LYPD6B: variants seen among roughly 807,000 people sequenced by gnomAD.
LYPD6B encodes the protein LY6/PLAUR domain containing 6B, also known as ly6/PLAUR domain-containing protein 6B.
Under a neutral mutation model 22.8 loss-of-function variants are expected in LYPD6B, and 17 were observed. The observed-to-expected ratio is 0.75, with a 90% CI of 0.51 to 1.12. The LOEUF (loss-of-function observed/expected upper bound fraction) is 1.12. Among genes scored for constraint, LYPD6B ranks in the 50% most tolerant of loss-of-function variants. The pLI, the probability that LYPD6B is intolerant of heterozygous loss-of-function variation, is 0.00. For missense variants in LYPD6B, 221 were observed against 258.3 expected (o/e 0.86, Z 0.99); for synonymous variants, 106 against 91.6 (o/e 1.16, Z -0.90).
chr2:149,098,627 CAA>C (rs1285429577), intron 1 of LYPD6B, among the ~76,000 whole-genome samples: 26 of 83,474 alleles, frequency 3.1e-4, no homozygotes, highest in African/African-American at 1.0e-3. Flanking sequence ...AACTCTGTCT[CAA>C]AAAAAAAAAA....
chr2:149,081,140 A>G (rs1007567603), intron 1 of LYPD6B, among the ~76,000 whole-genome samples: 4 of 152,126 alleles, frequency 2.6e-5, no homozygotes, highest in African/African-American at 4.8e-5. Flanking sequence ...TTGTTTACTG[A>G]CTTCTTGAGA....
intron 2 of LYPD6B, chr2:149,160,452 CA>C: frequency 2.0e-6 from 1 of 492,632 alleles, no homozygotes; most frequent in Non-Finnish European, 4.0e-6. Context: ...CTTTGGTAAG[CA>C]GCCATTTTTG....
At chr2:149,170,701 A>C (rs1167982461) in intron 3 of LYPD6B, among the ~76,000 whole-genome samples, 1 of 152,194 alleles carries the variant, frequency 6.6e-6, no homozygotes, top group Non-Finnish European at 1.5e-5. Context: ...AATCAAAAGA[A>C]AGTACTCAAG....
chr2:149,168,211 C>CAA (rs386391472), intron 3 of LYPD6B, among the ~76,000 whole-genome samples: 11,254 of 48,024 alleles, frequency 0.23, 1,224 homozygotes, highest in East Asian at 0.41. Context: ...GGCTCTGTCT[C>CAA]AAAAAAAAAA....
chr2:149,123,408 A>C (rs1423211765), intron 1 of LYPD6B, among the ~76,000 whole-genome samples: 2 of 152,172 alleles, frequency 1.3e-5, no homozygotes, highest in East Asian at 3.8e-4. Context: ...AATAATGATA[A>C]TTAGAGTTAA....
intron 3 of LYPD6B, among the ~76,000 whole-genome samples, chr2:149,190,496 T>C (rs1450572572): frequency 6.6e-6 from 1 of 152,210 alleles, no homozygotes; most frequent in African/African-American, 2.4e-5. Context: ...TGTTGTCAAA[T>C]TGCTCCATAG....
intron 5 of LYPD6B, among the ~76,000 whole-genome samples, chr2:149,208,962 G>A (rs1693672519): frequency 6.6e-6 from 1 of 152,122 alleles, no homozygotes; most frequent in African/African-American, 2.4e-5. Flanking sequence ...ATAGCAAGCT[G>A]CCACGTGGAG....
chr2:149,183,272 A>G (rs1179940880), intron 3 of LYPD6B, among the ~76,000 whole-genome samples: 1 of 152,170 alleles, frequency 6.6e-6, no homozygotes, highest in East Asian at 1.9e-4. Flanking sequence ...GAAATCCTCT[A>G]AGTAGGAGAT....
chr2:149,107,686 T>C (rs1686545471), intron 1 of LYPD6B, among the ~76,000 whole-genome samples: 2 of 152,230 alleles, frequency 1.3e-5, no homozygotes, highest in Non-Finnish European at 1.5e-5. Context: ...CCTAGCTGTC[T>C]TTCTGTAACT....
rs1525174 is a variant in LYPD6B at position 149,061,127 on chromosome 2, C to T, written c.-67+22326C>T. On this transcript the variant is annotated intron_variant, in intron 1 of 6. Coordinates refer to ENST00000409642, the MANE Select transcript of LYPD6B (RefSeq NM_177964.5). The stretch of plus-strand genomic sequence containing the variant: ...ATCTCCAGTAATACTTAATGGAAAG[C>T]TTGGAGATGAGCAGAGGTGTTTCAG... Among the ~76,000 whole-genome samples, 493 of 151,822 alleles carry T rather than the reference C, an allele frequency of 3.2e-3. 5 individuals carry two copies. Among genetic ancestry groups the T allele is most frequent in the African/African-American group, 0.011 (468 of 41,388 alleles).
intron 1 of LYPD6B, among the ~76,000 whole-genome samples, chr2:149,128,818 G>A (rs1483717834): frequency 1.3e-5 from 2 of 152,330 alleles, no homozygotes; most frequent in African/African-American, 4.8e-5. Flanking sequence ...AGGAATACCA[G>A]TAAAGAACAT....
chr2:149,114,992 T>A (rs186408017), intron 1 of LYPD6B, among the ~76,000 whole-genome samples: 10 of 152,256 alleles, frequency 6.6e-5, no homozygotes, highest in Non-Finnish European at 1.3e-4. Context: ...CAGGCTGGAG[T>A]GCAGTGGCAT....
At chr2:149,140,627 C>G (rs74707115) in intron 2 of LYPD6B, among the ~76,000 whole-genome samples, 96,901 of 151,838 alleles carry the variant, frequency 0.64, 31,014 homozygotes, top group South Asian at 0.76. Flanking sequence ...TAAGCTTATC[C>G]TTGCATTTAG....
At chr2:149,174,553 G>C (rs915637062) in intron 3 of LYPD6B, among the ~76,000 whole-genome samples, 2 of 152,024 alleles carry the variant, frequency 1.3e-5, no homozygotes, top group Non-Finnish European at 1.5e-5. Flanking sequence ...TTTGAGATAT[G>C]GTCCTTTAAT....
rs534487625 is a variant in LYPD6B at position 149,124,992 on chromosome 2, T to C, written c.-66-5891T>C. 1.3e-3 allele frequency among the ~76,000 whole-genome samples: 194 copies of C among 152,344 alleles called. 1 individual carries two copies. The highest frequency in any genetic ancestry group is 6.8e-3 in the Middle Eastern group (2 of 294). On this transcript the variant is annotated intron_variant, in intron 1 of 6. Transcript: ENST00000409642. ...AGGTTACAAAGAAGCCTTTGAAGGA[T>C]GATCTTTCTGTGATTTATTATTTTC...
intron 3 of LYPD6B, among the ~76,000 whole-genome samples, chr2:149,183,949 T>C (rs1383393783): frequency 6.6e-6 from 1 of 151,566 alleles, no homozygotes; most frequent in African/African-American, 2.4e-5. Context: ...TTGCAGCACT[T>C]TGGGAGGCCG....
At chr2:149,132,287 G>A (rs1688078889) in intron 2 of LYPD6B, among the ~76,000 whole-genome samples, 1 of 150,040 alleles carries the variant, frequency 6.7e-6, no homozygotes, top group Non-Finnish European at 1.5e-5. Flanking sequence ...GGAACCCAGG[G>A]AGCCTGGGAC....
intron 2 of LYPD6B, among the ~76,000 whole-genome samples, chr2:149,140,209 T>A (rs1313838658): frequency 6.6e-6 from 1 of 152,192 alleles, no homozygotes; most frequent in Non-Finnish European, 1.5e-5. Context: ...CTGGGGACCC[T>A]GAGTGTTTGG....
In LYPD6B at chr2:149,205,418, G is replaced by A. The variant is rs369480877; in HGVS notation, c.229+14G>A. On this transcript the variant is annotated intron_variant, in intron 4 of 6. Transcript: ENST00000409642. ...CTCCTCTCGACCGTAAGTAGTGGTG[G>A]TTGCCATCCTAGTTCATGGCTGTGG... is the stretch of plus-strand genomic sequence containing the variant. 16 of 1,612,576 alleles carry A rather than the reference G, an allele frequency of 9.9e-6. 1 individual carries two copies. The highest frequency in any genetic ancestry group is 3.3e-4 in the Middle Eastern group (2 of 6,076).
Sources: gnomAD v4.1 joint callset for allele counts (sites outside exome capture counted in the v4.1 genomes callset) on GRCh38, gnomAD v4.1.1 for gene constraint, MANE v1.5 for transcripts, NCBI Gene and HGNC (gene_info 2026-07-23, HGNC 2026-07-21) for gene names.